Variants in GTF2IRD2B observed in about 807,000 individuals in gnomAD.
GTF2IRD2B encodes GTF2I repeat domain containing 2B, also known as general transcription factor II-I repeat domain-containing protein 2B.
A neutral mutation model predicts 55.6 loss-of-function variants in GTF2IRD2B; 10 were observed. The ratio of observed to expected loss-of-function variants is 0.18; its 90% confidence interval spans 0.11 to 0.31. GTF2IRD2B has a LOEUF of 0.31. Ranked by LOEUF, GTF2IRD2B falls within the 10% of genes least tolerant of loss-of-function variation. GTF2IRD2B has a pLI of 1.00. For synonymous variants in GTF2IRD2B, 107 were observed against 320.5 expected, an observed-to-expected ratio of 0.33 and a Z score of 7.12; for missense variants, 206 against 802.7, an observed-to-expected ratio of 0.26 and a Z score of 8.98.
chr7:75,129,062 GCCT>G (rs1251630669), intron 8 of GTF2IRD2B, among the ~76,000 whole-genome samples: 1 of 142,278 alleles, frequency 7.0e-6, no homozygotes, highest in East Asian at 2.1e-4. Flanking sequence ...TCCTTGGCCC[GCCT>G]CCTCCTTTGT....
At chr7:75,122,859 A>G (rs75579605) in intron 4 of GTF2IRD2B, among the ~76,000 whole-genome samples, 11 of 150,988 alleles carry the variant, frequency 7.3e-5, no homozygotes, top group Admixed American at 2.0e-4. Context: ...ACCAGTCTGG[A>G]CAACATGGTG....
chr7:75,122,994 G>C lies in GTF2IRD2B; in HGVS notation c.359-142G>C. ...GAACCCAGGAGGTGGAGGTTGCAGC[G>C]AGCCGAGATCTTGCCATTGCACTCC... On this transcript the variant is annotated intron_variant, in intron 4 of 15. Coordinates refer to ENST00000472837, the MANE Select transcript of GTF2IRD2B (RefSeq NM_001003795.3). 5.4e-6 allele frequency: 7 copies of C among 1,302,854 alleles called. 1 individual carries two copies. The South Asian group carries it at 7.2e-5, about 13-fold the overall frequency. The allele number at this position is 1,302,854 out of a possible 1,614,324, so 80.7% of individuals were successfully genotyped here.
At chr7:75,123,771 G>A (rs1554536121) in intron 6 of GTF2IRD2B, 15 of 501,080 alleles carry the variant, frequency 3.0e-5, no homozygotes, top group African/African-American at 9.6e-5. Context: ...CCAGCTACTC[G>A]GGAGTCTGAG....
chr7:75,109,511 T>C (rs1370352127), intron 2 of GTF2IRD2B, among the ~76,000 whole-genome samples: 2 of 98,494 alleles, frequency 2.0e-5, no homozygotes, highest in East Asian at 9.0e-4. Flanking sequence ...GCTTATTTTT[T>C]GTATTTTTAA....
intron 1 of GTF2IRD2B, among the ~76,000 whole-genome samples, chr7:75,105,483 G>A (rs1807763148): frequency 6.6e-6 from 1 of 152,306 alleles, no homozygotes; most frequent in Non-Finnish European, 1.5e-5. Flanking sequence ...TAGCCTGGGT[G>A]ACAGAGTGAT....
At chr7:75,147,441 C>A (rs1554533024) in intron 15 of GTF2IRD2B, among the ~76,000 whole-genome samples, 1 of 151,870 alleles carries the variant, frequency 6.6e-6, no homozygotes, top group Non-Finnish European at 1.5e-5. Context: ...TCAAAAACAA[C>A]GACAACAAAA....
At chr7:75,119,191 CAAAAAAA>C (rs71229657) in intron 3 of GTF2IRD2B, among the ~76,000 whole-genome samples, 24 of 5,094 alleles carry the variant, frequency 4.7e-3, no homozygotes, top group Non-Finnish European at 5.5e-3. Flanking sequence ...AAGACTCTCT[CAAAAAAA>C]AAAAAAAAAA....
chr7:75,147,552 G>A (rs1809185002), intron 15 of GTF2IRD2B, 142 bp from the exon 16 acceptor site: 1 of 611,808 alleles, frequency 1.6e-6, no homozygotes, highest in Non-Finnish European at 3.0e-6. Context: ...CCCTCTGCAG[G>A]GTGGGTCACC....
intron 8 of GTF2IRD2B, among the ~76,000 whole-genome samples, chr7:75,132,180 C>T (rs1442204507): frequency 3.5e-5 from 5 of 141,856 alleles, no homozygotes; most frequent in South Asian, 2.1e-4. Flanking sequence ...GAGACCAGCC[C>T]GGCCTACATG....
At chr7:75,106,392 A>C (rs1807808841) in intron 1 of GTF2IRD2B, among the ~76,000 whole-genome samples, 3 of 151,796 alleles carry the variant, frequency 2.0e-5, no homozygotes, top group Admixed American at 2.0e-4. Context: ...GACAAGAGTG[A>C]AACTCAATAG....
intron 1 of GTF2IRD2B, among the ~76,000 whole-genome samples, chr7:75,102,733 A>G (rs1554449654): frequency 6.6e-6 from 1 of 151,686 alleles, no homozygotes; most frequent in African/African-American, 2.4e-5. Context: ...CAAGGCAGGT[A>G]GATCACTTGA....
At chr7:75,102,786 C>T (rs1305942142) in intron 1 of GTF2IRD2B, among the ~76,000 whole-genome samples, 3 of 151,714 alleles carry the variant, frequency 2.0e-5, no homozygotes, top group Non-Finnish European at 2.9e-5. Context: ...GATGAAACCC[C>T]ATCTCTACTA....
chr7:75,139,580 G>A (rs1554453869), intron 12 of GTF2IRD2B, among the ~76,000 whole-genome samples: 4 of 121,526 alleles, frequency 3.3e-5, no homozygotes, highest in Admixed American at 3.2e-4. Context: ...CTTGCAGTGA[G>A]CGGAGATCAC....
intron 9 of GTF2IRD2B, among the ~76,000 whole-genome samples, chr7:75,133,858 AAAG>A (rs1313216883): frequency 1.4e-5 from 2 of 139,518 alleles, no homozygotes; most frequent in African/African-American, 6.2e-5. Flanking sequence ...AGGCTTTTAA[AAAG>A]AAGTCATAAA....
At chr7:75,123,991 C>G (rs1166843972) in intron 6 of GTF2IRD2B, 1 of 190,128 alleles carries the variant, frequency 5.3e-6, no homozygotes, top group Non-Finnish European at 1.1e-5. Flanking sequence ...CCTGCACATT[C>G]TGCAGATGTA....
At position 75,148,272 on chromosome 7, in the gene GTF2IRD2B, A is replaced by C. The variant is rs142850866; in HGVS notation, c.1825A>C (p.Asn609His). 8.7e-6 allele frequency: 14 copies of C among 1,609,052 alleles called. No individual in the cohort carries two copies. Among genetic ancestry groups the C allele is most frequent in the Admixed American group, 1.7e-5 (1 of 59,252 alleles). ...GAAGAGCCTGAAAAAGTTCTGTATC[A>C]ACTGGTCGAGATTAGTAAGCGTGGC... Reference protein sequence around the residue: ...VEKSLKKFCINWSRLVSVAST... With the variant: ...VEKSLKKFCIHWSRLVSVAST... The change falls in exon 16 of 16, where the codon AAC becomes CAC. Residue 609 changes from asparagine to histidine, a missense_variant. Asn to His is a moderately conservative substitution (Grantham distance 68). Transcript: ENST00000472837.
At chr7:75,104,492 G>A (rs1200207067) in intron 1 of GTF2IRD2B, among the ~76,000 whole-genome samples, 1 of 147,154 alleles carries the variant, frequency 6.8e-6, no homozygotes, top group Non-Finnish European at 1.5e-5. Flanking sequence ...AGTGGAAATA[G>A]CACTAGGCAA....
At chr7:75,137,261 G>A (rs800984) in intron 11 of GTF2IRD2B, among the ~76,000 whole-genome samples, 3,858 of 145,900 alleles carry the variant, frequency 0.026, 127 homozygotes, top group Middle Eastern at 0.063. Context: ...AGTATAATGT[G>A]TATATATAAT....
chr7:75,104,448 C>T (rs587730458), intron 1 of GTF2IRD2B, among the ~76,000 whole-genome samples: 65 of 149,652 alleles, frequency 4.3e-4, no homozygotes, highest in South Asian at 4.1e-3. Context: ...AGTGTGATGA[C>T]ATCATAGATC....
Sources: gnomAD v4.1 joint callset for allele counts (sites outside exome capture counted in the v4.1 genomes callset) on GRCh38, gnomAD v4.1.1 for gene constraint, MANE v1.5 for transcripts, NCBI Gene and HGNC (gene_info 2026-07-23, HGNC 2026-07-21) for gene names.